CCN3: variants seen among roughly 807,000 people sequenced by gnomAD.
CCN3 encodes CCN family member 3.
CCN3 carries 20 observed loss-of-function variants against 33.4 expected under a neutral mutation model. That is an observed-to-expected ratio of 0.60 (90% CI 0.42 to 0.87). The LOEUF (loss-of-function observed/expected upper bound fraction) is 0.87, where lower values mean the gene tolerates loss of function less well. Ranked by LOEUF, CCN3 falls within the 40% of genes least tolerant of loss-of-function variation. The probability of loss-of-function intolerance (pLI) is 0.00; values close to 1 mark genes in which losing one functional copy is unlikely to be tolerated. For synonymous variants in CCN3, 205 were observed against 170.4 expected (o/e 1.20, Z -1.58); for missense variants, 465 against 455.3 (o/e 1.02, Z -0.19).
chr8:119,419,417 G>T, intron 4 of CCN3, 72 bp downstream of exon 4: 2 of 1,432,220 alleles, frequency 1.4e-6, no homozygotes, highest in South Asian at 1.2e-5. Flanking sequence ...GCTTCAGAAA[G>T]TCACTGTGTC....
In CCN3 at chr8:119,418,260, G is replaced by T; in HGVS notation, c.513G>T (p.Trp171Cys). 6.2e-7 allele frequency: 1 copy of T among 1,614,166 alleles called. No homozygotes were observed. The highest frequency in any genetic ancestry group is 1.3e-5 in the African/African-American group (1 of 75,052). Reference protein sequence around the residue: ...VEVPGECCEKWICGPDEEDSL... With the variant: ...VEVPGECCEKCICGPDEEDSL... ...TGCCTGGAGAGTGCTGTGAAAAGTG[G>T]ATCTGTGGCCCAGATGAGGAGGATT... Residue 171 changes from tryptophan to cysteine, a missense_variant, in exon 3 of 5, where the codon TGG becomes TGT. Trp to Cys is a radical substitution (Grantham distance 215). Coordinates refer to ENST00000259526, the MANE Select transcript of CCN3 (RefSeq NM_002514.4).
intron 4 of CCN3, among the ~76,000 whole-genome samples, chr8:119,419,667 C>T (rs1820098071): frequency 6.6e-6 from 1 of 152,202 alleles, no homozygotes; most frequent in Non-Finnish European, 1.5e-5. Flanking sequence ...AGTTGTCAAG[C>T]ACAGCTGATT....
At chr8:119,417,119 C>T (rs142716265) in intron 2 of CCN3, 150 bp downstream of exon 2, 483 of 725,364 alleles carry the variant, frequency 6.7e-4, no homozygotes, top group Non-Finnish European at 9.4e-4. Context: ...TACTGTGTGT[C>T]AGGCATGGTT....
At position 119,424,354 on chromosome 8, in the gene CCN3, T is replaced by C. The variant is rs1820166469; in HGVS notation, c.*1222T>C. Reference sequence around the variant, plus strand: ...CACTAAATAAACACGATTTTATTGCTGCGTGACTCTGTATTACTTTGGTGC... The same window carrying C: ...CACTAAATAAACACGATTTTATTGCCGCGTGACTCTGTATTACTTTGGTGC... On this transcript the variant is annotated 3_prime_UTR_variant, in exon 5 of 5. Coordinates refer to ENST00000259526, the MANE Select transcript of CCN3 (RefSeq NM_002514.4). 1 of 152,248 alleles carries C rather than the reference T, an allele frequency of 6.6e-6. No individual in the cohort carries two copies. The highest frequency in any genetic ancestry group is 2.1e-4 in the South Asian group (1 of 4,832). The allele number at this position is 152,248 out of a possible 1,614,324, so 9.4% of individuals were successfully genotyped here. A position where few individuals can be genotyped will look rare whatever the true frequency, so the allele number is the denominator to read the frequency against.
rs560196657 is a variant in CCN3, at chr8:119,422,693, C to T, written c.778-143C>T. On this transcript the variant is annotated intron_variant, in intron 4 of 4. Transcript: ENST00000259526. ...CAAATACTTTTAGCTGACTACATTG[C>T]TCAAGCAAAATTAATGTTCTGATAG... The T allele has an allele frequency of 2.3e-4, 169 of 736,432 alleles. 3 individuals are homozygous for T. Among genetic ancestry groups the T allele is most frequent in the Admixed American group, 1.0e-3 (41 of 40,448 alleles). 45.6% of individuals were successfully genotyped at this position (736,432 alleles called of 1,614,324 possible).
In CCN3 at chr8:119,416,760, G is replaced by A. The variant is rs1168313796; in HGVS notation, c.101G>A (p.Arg34His). ...HLLGQVAATQ[R>H]CPPQCPGRCP... ...TGCCTTCAGGTCGCTGCGACTCAGC[G>A]CTGCCCTCCCCAGTGCCCGGGCCGG... The change falls in exon 2 of 5, where the codon CGC becomes CAC. Residue 34 changes from arginine (R) to histidine (H), a missense_variant. Transcript: ENST00000259526. The A allele has an allele frequency of 1.9e-6, 3 of 1,589,334 alleles. No individual in the cohort carries two copies. Among genetic ancestry groups the A allele is most frequent in the Non-Finnish European group, 2.6e-6 (3 of 1,167,606 alleles).
At position 119,419,123 on chromosome 8, in the gene CCN3, T is replaced by C; in HGVS notation, c.563-8T>C. 1.2e-6 allele frequency: 2 copies of C among 1,609,896 alleles called. No homozygotes were observed. The highest frequency in any genetic ancestry group is 1.7e-6 in the Non-Finnish European group (2 of 1,176,294). ...TAATATGGCTGTCTTTATTTATACA[T>C]CCCATAGCTTACAGGCCAGAAGCCA... is the stretch of plus-strand genomic sequence containing the variant. On this transcript the variant is annotated splice_polypyrimidine_tract_variant and splice_region_variant and intron_variant, in intron 3 of 4. Transcript: ENST00000259526.
At chr8:119,418,849 A>T (rs1820087623) in intron 3 of CCN3, among the ~76,000 whole-genome samples, 1 of 152,230 alleles carries the variant, frequency 6.6e-6, no homozygotes, top group Non-Finnish European at 1.5e-5. Context: ...TTAAATAAAA[A>T]ATCTCAAGAG....
In CCN3 at chr8:119,418,192, C is replaced by G. The variant is rs146782554; in HGVS notation, c.445C>G (p.Leu149Val). Reference sequence around the variant, plus strand: ...TGTGCCCCGCTGTCAGCTGGATGTGCTACTGCCTGAGCCTAACTGCCCAGC... The same window carrying G: ...TGTGCCCCGCTGTCAGCTGGATGTGGTACTGCCTGAGCCTAACTGCCCAGC... ...GCVPRCQLDV[L>V]LPEPNCPAPR... The change falls in exon 3 of 5, where the codon CTA (leucine) becomes GTA (valine). Residue 149 changes from leucine to valine, a missense_variant. Physicochemically the swap from Leu to Val is conservative, Grantham distance 32. Coordinates refer to ENST00000259526, the MANE Select transcript of CCN3 (RefSeq NM_002514.4). The G allele has an allele frequency of 9.0e-5, 145 of 1,614,198 alleles. No homozygotes were observed. The African/African-American group carries it at 1.8e-3, about 20-fold the overall frequency.
At chr8:119,421,920 A>G (rs1381337) in intron 4 of CCN3, among the ~76,000 whole-genome samples, 7,227 of 152,310 alleles carry the variant, frequency 0.047, 572 homozygotes, top group African/African-American at 0.16. Flanking sequence ...ATGTTTGAAG[A>G]GTATTTGAAA....
intron 4 of CCN3, among the ~76,000 whole-genome samples, chr8:119,421,256 G>A (rs1015062681): frequency 2.6e-5 from 4 of 151,958 alleles, no homozygotes; most frequent in African/African-American, 9.7e-5. Flanking sequence ...TGATCTGCCC[G>A]CCTCGGCCTC....
Position 119,416,779 on chromosome 8 carries a change from G to T in CCN3, c.120G>T (p.Pro40=). ...CTCAGCGCTGCCCTCCCCAGTGCCC[G>T]GGCCGGTGCCCTGCGACGCCGCCGA... ...AATQRCPPQC[P]GRCPATPPTC... is the part of the protein sequence containing the mutation. The change falls in exon 2 of 5, where the codon CCG becomes CCT. Residue 40 remains proline (P), a synonymous_variant. Transcript: ENST00000259526. The T allele has an allele frequency of 6.3e-7, 1 of 1,596,092 alleles. No homozygotes were observed. The highest frequency in any genetic ancestry group is 8.5e-7 in the Non-Finnish European group (1 of 1,171,346).
intron 4 of CCN3, among the ~76,000 whole-genome samples, chr8:119,422,192 A>AG (rs1820134592): frequency 2.0e-5 from 3 of 151,412 alleles, no homozygotes; most frequent in Non-Finnish European, 3.0e-5. Flanking sequence ...GAAAGGCAGA[A>AG]AGAGAGAGAG....
At chr8:119,419,426 T>C in intron 4 of CCN3, 81 bp downstream of exon 4, 1 of 1,415,066 alleles carries the variant, frequency 7.1e-7, no homozygotes, top group Non-Finnish European at 9.9e-7. Flanking sequence ...AGTCACTGTG[T>C]CACTCTGTGA....
intron 4 of CCN3, among the ~76,000 whole-genome samples, chr8:119,419,651 G>A (rs545321349): frequency 6.6e-6 from 1 of 152,364 alleles, no homozygotes; most frequent in East Asian, 1.9e-4. Flanking sequence ...GGAGAAAACT[G>A]GCTACAGTTG....
In CCN3 at chr8:119,418,220, C is replaced by G; in HGVS notation, c.473C>G (p.Pro158Arg). The G allele has an allele frequency of 6.2e-7, 1 of 1,614,154 alleles. No homozygotes were observed. Among genetic ancestry groups the G allele is most frequent in the Non-Finnish European group, 8.5e-7 (1 of 1,180,050 alleles). The change falls in exon 3 of 5, where the codon CCA becomes CGA. Residue 158 changes from proline to arginine, a missense_variant. Coordinates refer to ENST00000259526, the MANE Select transcript of CCN3 (RefSeq NM_002514.4). Reference sequence around the variant, plus strand: ...CTGCCTGAGCCTAACTGCCCAGCTCCAAGAAAAGTTGAGGTGCCTGGAGAG... The same window carrying G: ...CTGCCTGAGCCTAACTGCCCAGCTCGAAGAAAAGTTGAGGTGCCTGGAGAG... The part of the protein sequence containing the change: ...VLLPEPNCPA[P>R]RKVEVPGECC...
Position 119,419,245 on chromosome 8 carries a change from C to G in CCN3, c.677C>G (p.Thr226Ser), listed in dbSNP as rs758699701. Residue 226 changes from threonine to serine, a missense_variant, in exon 4 of 5, where the codon ACC becomes AGC. Thr to Ser is a moderately conservative substitution (Grantham distance 58, BLOSUM62 1). Coordinates refer to ENST00000259526, the MANE Select transcript of CCN3 (RefSeq NM_002514.4). ...AAGAGCTGTGGTATGGGGTTCTCCA[C>G]CCGGGTCACCAATAGGAACCGTCAA... ...CSKSCGMGFS[T>S]RVTNRNRQCE... The G allele has an allele frequency of 2.5e-6, 4 of 1,614,238 alleles. No individual in the cohort carries two copies. Among genetic ancestry groups the G allele is most frequent in the Non-Finnish European group, 3.4e-6 (4 of 1,180,040 alleles).
At chr8:119,421,096 G>A (rs1234169342) in intron 4 of CCN3, among the ~76,000 whole-genome samples, 8 of 128,692 alleles carry the variant, frequency 6.2e-5, no homozygotes, top group African/African-American at 1.8e-4. Context: ...TTGGCTCACC[G>A]CAAGCTCCGC....
intron 3 of CCN3, 127 bp downstream of exon 3, chr8:119,418,436 AG>A: frequency 1.6e-6 from 2 of 1,231,432 alleles, no homozygotes; most frequent in Non-Finnish European, 2.3e-6. Flanking sequence ...TGTGGGTTTC[AG>A]GTTGCCCACT....
Sources: allele counts gnomAD v4.1 joint callset (sites outside exome capture counted in the v4.1 genomes callset), GRCh38; gene constraint gnomAD v4.1.1; transcripts MANE v1.5; gene names NCBI Gene and HGNC (gene_info 2026-07-23, HGNC 2026-07-21).